Variants in MTNR1B observed in about 807,000 individuals in gnomAD.
The protein encoded by MTNR1B is melatonin receptor 1B.
In MTNR1B, 7 loss-of-function variants were observed where a neutral mutation model predicts 7.0. That is an observed-to-expected ratio of 1.00 (90% CI 0.57 to 1.88). The LOEUF is 1.88. MTNR1B is among the 40% of genes most tolerant of loss of function. MTNR1B has a pLI of 0.00. For missense variants in MTNR1B, 478 were observed against 486.5 expected (o/e 0.98, Z 0.16); for synonymous variants, 226 against 208.2 (o/e 1.09, Z -0.74).
intron 1 of MTNR1B, among the ~76,000 whole-genome samples, chr11:92,978,920 A>G (rs961699872): frequency 6.6e-6 from 1 of 152,120 alleles, no homozygotes; most frequent in Non-Finnish European, 1.5e-5. Context: ...GCAGCTCTTG[A>G]CTTTCTCTGC....
At chr11:92,976,780 A>C (rs929294525) in intron 1 of MTNR1B, among the ~76,000 whole-genome samples, 28 of 152,172 alleles carry the variant, frequency 1.8e-4, no homozygotes, top group Admixed American at 1.8e-3. Context: ...AATTCCCTTG[A>C]TATTTCTTTT....
At chr11:92,984,947 C>T (rs994413531), downstream of MTNR1B, 1 of 456,016 alleles carries the variant, frequency 2.2e-6, no homozygotes, top group Non-Finnish European at 4.4e-6. Flanking sequence ...GCGGAAACAG[C>T]AAAATTTGGG....
At chr11:92,981,258 C>A (rs1354346009) in intron 1 of MTNR1B, among the ~76,000 whole-genome samples, 189 bp from the exon 2 acceptor site, 1 of 152,182 alleles carries the variant, frequency 6.6e-6, no homozygotes, top group Non-Finnish European at 1.5e-5. Flanking sequence ...CTCTGAGAGC[C>A]TAAACAGCTT....
chr11:92,981,792 G>T lies in MTNR1B; in HGVS notation c.569G>T (p.Cys190Phe). The change falls in exon 2 of 2, where the codon TGC becomes TTC. Residue 190 changes from cysteine (C) to phenylalanine (F), a missense_variant. By Grantham distance (205) the Cys-to-Phe change is radical. Transcript: ENST00000257068. ...GAGTACGACCCACGCATCTATTCCTGCACCTTCATCCAGACCGCCAGCACC... is the reference window on the plus strand; with the variant it reads ...GAGTACGACCCACGCATCTATTCCTTCACCTTCATCCAGACCGCCAGCACC... The part of the protein sequence containing the change: ...SLEYDPRIYS[C>F]TFIQTASTQY... The T allele has an allele frequency of 6.2e-7, 1 of 1,614,162 alleles. No homozygotes were observed.
Position 92,969,982 on chromosome 11 carries a change from C to T in MTNR1B, c.223+34C>T, listed in dbSNP as rs77542877. 2.1e-3 allele frequency: 3,344 copies of T among 1,563,688 alleles called. 46 individuals carry two copies. In the African/African-American group the frequency reaches 0.039, roughly 18 times the overall value. On this transcript the variant is annotated intron_variant, in intron 1 of 1. Coordinates refer to ENST00000257068, the MANE Select transcript of MTNR1B (RefSeq NM_005959.5). Reference sequence around the variant, plus strand: ...CATTCCTGATGCTGGGTGCTGGCATCGGGCCCTTCCTTGTCTTCTGATCTT... The same window carrying T: ...CATTCCTGATGCTGGGTGCTGGCATTGGGCCCTTCCTTGTCTTCTGATCTT...
intron 1 of MTNR1B, among the ~76,000 whole-genome samples, chr11:92,971,355 A>G (rs1857919961): frequency 6.6e-6 from 1 of 152,224 alleles, no homozygotes; most frequent in Non-Finnish European, 1.5e-5. Context: ...ATTAAGAAGA[A>G]GTAAACTTTC....
intron 1 of MTNR1B, among the ~76,000 whole-genome samples, chr11:92,973,194 A>G (rs1032251703): frequency 1.3e-5 from 2 of 149,884 alleles, no homozygotes; most frequent in South Asian, 4.2e-4. Context: ...GGTTCCTCCT[A>G]CTCTTTCATT....
chr11:92,977,577 C>T (rs372260349), intron 1 of MTNR1B, among the ~76,000 whole-genome samples: 11 of 152,158 alleles, frequency 7.2e-5, no homozygotes, highest in East Asian at 1.9e-4. Context: ...GGTGAATTGT[C>T]GTGCCTGACC....
At chr11:92,971,934 A>T (rs572269956) in intron 1 of MTNR1B, among the ~76,000 whole-genome samples, 6 of 152,328 alleles carry the variant, frequency 3.9e-5, no homozygotes, top group African/African-American at 1.2e-4. Flanking sequence ...GAACAAAAAA[A>T]AATAATAATA....
chr11:92,978,398 G>A (rs1162716968), intron 1 of MTNR1B, among the ~76,000 whole-genome samples: 2 of 152,182 alleles, frequency 1.3e-5, no homozygotes, highest in East Asian at 3.9e-4. Flanking sequence ...TCTTGTCAAA[G>A]CCTCTCTCCA....
downstream of MTNR1B, among the ~76,000 whole-genome samples, chr11:92,984,338 G>A (rs76309303): frequency 2.2e-4 from 33 of 152,284 alleles, 1 homozygote; most frequent in East Asian, 4.1e-3. Context: ...AATACTTGAG[G>A]TCCTTGACCT....
Position 92,981,909 on chromosome 11 carries a change from A to G in MTNR1B, c.686A>G (p.Gln229Arg). 1 of 1,614,162 alleles carries G rather than the reference A, an allele frequency of 6.2e-7. No individual in the cohort carries two copies. Residue 229 changes from glutamine to arginine, a missense_variant, in exon 2 of 2, where the codon CAG (glutamine) becomes CGG (arginine). By Grantham distance (43) the Gln-to-Arg change is conservative. Transcript: ENST00000257068. Reference sequence around the variant, plus strand: ...CTGCGCATCTGGGTGCTGGTGCTTCAGGCCCGCAGGAAAGCCAAGCCAGAG... The same window carrying G: ...CTGCGCATCTGGGTGCTGGTGCTTCGGGCCCGCAGGAAAGCCAAGCCAGAG... ...CYLRIWVLVL[Q>R]ARRKAKPESR...
intron 1 of MTNR1B, chr11:92,972,613 C>G (rs1397830324): frequency 2.2e-6 from 1 of 451,390 alleles, no homozygotes; most frequent in Non-Finnish European, 4.4e-6. Flanking sequence ...TGTGTTCACT[C>G]TTTGCTACAT....
intron 1 of MTNR1B, among the ~76,000 whole-genome samples, chr11:92,980,826 G>C (rs1858091690): frequency 6.6e-6 from 1 of 152,196 alleles, no homozygotes; most frequent in South Asian, 2.1e-4. Flanking sequence ...GACCCAGACA[G>C]GGCACAAATG....
chr11:92,980,856 G>C (rs144299996), intron 1 of MTNR1B, among the ~76,000 whole-genome samples: 9 of 152,208 alleles, frequency 5.9e-5, no homozygotes, highest in Non-Finnish European at 1.3e-4. Context: ...GAAACACATG[G>C]TTCCCACTCT....
rs766851334 is a variant in MTNR1B, at chr11:92,969,725, G to A, written c.-1G>A. 4.1e-6 allele frequency: 6 copies of A among 1,477,504 alleles called. 1 individual carries two copies. The East Asian group carries it at 7.6e-5, about 19-fold the overall frequency. The allele number at this position is 1,477,504 out of a possible 1,614,324, so 91.5% of individuals were successfully genotyped here. On this transcript the variant is annotated 5_prime_UTR_variant, in exon 1 of 2. Coordinates refer to ENST00000257068, the MANE Select transcript of MTNR1B (RefSeq NM_005959.5). Reference sequence around the variant, plus strand: ...CAAAGCACAGCGCGGGAGAGTCTGCGATGTCAGAGAACGGCTCCTTCGCCA... The same window carrying A: ...CAAAGCACAGCGCGGGAGAGTCTGCAATGTCAGAGAACGGCTCCTTCGCCA...
At chr11:92,981,107 G>A (rs151236758) in intron 1 of MTNR1B, among the ~76,000 whole-genome samples, 53 of 152,292 alleles carry the variant, frequency 3.5e-4, no homozygotes, top group African/African-American at 8.4e-4. Context: ...TGCAAAGCCC[G>A]TGAGCATCTG....
chr11:92,980,992 T>G (rs1480415656), intron 1 of MTNR1B, among the ~76,000 whole-genome samples: 1 of 152,114 alleles, frequency 6.6e-6, no homozygotes, highest in Non-Finnish European at 1.5e-5. Context: ...CAGAGAGATG[T>G]GCGAGGAGGT....
intron 1 of MTNR1B, among the ~76,000 whole-genome samples, chr11:92,975,624 A>T (rs1398587933): frequency 6.6e-6 from 1 of 152,162 alleles, no homozygotes; most frequent in African/African-American, 2.4e-5. Flanking sequence ...CCCCGGTTAG[A>T]TTAGAAAACA....
Sources: gnomAD v4.1 joint callset for allele counts (sites outside exome capture counted in the v4.1 genomes callset) on GRCh38, gnomAD v4.1.1 for gene constraint, MANE v1.5 for transcripts, NCBI Gene and HGNC (gene_info 2026-07-23, HGNC 2026-07-21) for gene names.